Variants in FHIT observed in about 807,000 individuals in gnomAD.
The protein encoded by FHIT is fragile histidine triad diadenosine triphosphatase, also known as bis(5'-adenosyl)-triphosphatase.
In FHIT, 19 loss-of-function variants were observed where a neutral mutation model predicts 17.9. The observed-to-expected ratio is 1.06, with a 90% CI of 0.74 to 1.56. The LOEUF (loss-of-function observed/expected upper bound fraction) is 1.56. Ranked by LOEUF, FHIT falls within the 40% of genes most tolerant of loss-of-function variation. The pLI is 0.00. For missense variants in FHIT, 248 were observed against 189.2 expected (o/e 1.31, Z -1.82); for synonymous variants, 81 against 69.7 (o/e 1.16, Z -0.81).
chr3:60,114,210 T>C (rs535921053), intron 5 of FHIT, among the ~76,000 whole-genome samples: 1 of 150,566 alleles, frequency 6.6e-6, no homozygotes, highest in East Asian at 2.0e-4. Context: ...AATATTCCTA[T>C]TTTAAAAATT....
At chr3:60,348,957 C>A (rs1710936961) in intron 5 of FHIT, among the ~76,000 whole-genome samples, 1 of 152,166 alleles carries the variant, frequency 6.6e-6, no homozygotes, top group East Asian at 1.9e-4. Context: ...TTGAACTTAG[C>A]CAACCTCAGC....
chr3:60,823,305 C>A lies in FHIT; in HGVS notation c.-110-1294G>T, dbSNP rs565118581. On this transcript the variant is annotated intron_variant, in intron 3 of 9. Transcript: ENST00000492590. ...ATGGGTTGAATTCTGTTCCCCCAAC[C>A]CCTCCCCATCAGGAAAAAAGATATG... Among the ~76,000 whole-genome samples the A allele has an allele frequency of 3.3e-5, 5 of 152,230 alleles. No individual in the cohort carries two copies. The South Asian group carries it at 1.0e-3, about 32-fold the overall frequency.
chr3:59,881,692 A>C (rs551436786), intron 8 of FHIT, among the ~76,000 whole-genome samples: 1 of 152,330 alleles, frequency 6.6e-6, no homozygotes, highest in Admixed American at 6.5e-5. Flanking sequence ...TCTTCAGACA[A>C]ATAAAAAATA....
chr3:59,786,776 C>T (rs986306977), intron 8 of FHIT, among the ~76,000 whole-genome samples: 1 of 152,250 alleles, frequency 6.6e-6, no homozygotes, highest in Non-Finnish European at 1.5e-5. Context: ...TTTACTAATA[C>T]AGTCTCCCCA....
intron 4 of FHIT, among the ~76,000 whole-genome samples, chr3:60,626,811 G>GTTTTTT (rs2039302491): frequency 1.2e-5 from 1 of 83,242 alleles, no homozygotes; most frequent in African/African-American, 4.5e-5. Context: ...TTTACGTTAA[G>GTTTTTT]TATGATATGA....
At chr3:60,083,972 C>G (rs1443528118) in intron 5 of FHIT, among the ~76,000 whole-genome samples, 1 of 152,190 alleles carries the variant, frequency 6.6e-6, no homozygotes, top group African/African-American at 2.4e-5. Context: ...TTGGTATTCT[C>G]TTCTGTGATA....
At chr3:60,591,133 A>G (rs2038071072) in intron 4 of FHIT, among the ~76,000 whole-genome samples, 1 of 152,102 alleles carries the variant, frequency 6.6e-6, no homozygotes, top group Admixed American at 6.6e-5. Context: ...AAGCCCACTG[A>G]TAAGAATAAA....
At chr3:60,085,964 T>G (rs773432953) in intron 5 of FHIT, among the ~76,000 whole-genome samples, 1 of 152,168 alleles carries the variant, frequency 6.6e-6, no homozygotes, top group Non-Finnish European at 1.5e-5. Flanking sequence ...AAGAAATACC[T>G]GAGGTGGTAT....
At chr3:60,481,046 C>CCG (rs535480946) in intron 5 of FHIT, among the ~76,000 whole-genome samples, 77 of 152,300 alleles carry the variant, frequency 5.1e-4, no homozygotes, top group African/African-American at 1.8e-3. Flanking sequence ...CAGTAGAATT[C>CCG]CGCCTGGACA....
chr3:60,414,163 A>G (rs1576618200), intron 5 of FHIT, among the ~76,000 whole-genome samples: 1 of 152,300 alleles, frequency 6.6e-6, no homozygotes, highest in Non-Finnish European at 1.5e-5. Flanking sequence ...TCTAACTTAA[A>G]CATATATTGG....
At chr3:61,016,288 G>A (rs1053375435) in intron 3 of FHIT, among the ~76,000 whole-genome samples, 3 of 152,124 alleles carry the variant, frequency 2.0e-5, no homozygotes, top group Admixed American at 2.0e-4. Context: ...CGTGATTAAT[G>A]GAACATAGAT....
At chr3:60,836,654 T>C (rs1559759852) in intron 3 of FHIT, among the ~76,000 whole-genome samples, 1 of 152,110 alleles carries the variant, frequency 6.6e-6, no homozygotes, top group Non-Finnish European at 1.5e-5. Context: ...CAAATGCAGG[T>C]CCAGATGCCC....
chr3:60,992,948 AT>A (rs777921736), intron 3 of FHIT, among the ~76,000 whole-genome samples: 3 of 152,164 alleles, frequency 2.0e-5, no homozygotes, highest in Non-Finnish European at 2.9e-5. Flanking sequence ...GAATGGATTC[AT>A]TTTCCTGATA....
At chr3:60,040,535 A>C (rs1437519009) in intron 5 of FHIT, among the ~76,000 whole-genome samples, 1 of 151,856 alleles carries the variant, frequency 6.6e-6, no homozygotes, top group African/African-American at 2.4e-5. Flanking sequence ...TCATTTGTGA[A>C]TCTCCCCTGT....
intron 8 of FHIT, among the ~76,000 whole-genome samples, chr3:59,758,278 C>T (rs1232242613): frequency 1.3e-5 from 2 of 152,204 alleles, no homozygotes; most frequent in Admixed American, 1.3e-4. Flanking sequence ...TACCCATGGT[C>T]AGCTTCACCA....
chr3:60,825,287 C>G (rs1702074345), intron 3 of FHIT, among the ~76,000 whole-genome samples: 2 of 151,836 alleles, frequency 1.3e-5, no homozygotes, highest in Non-Finnish European at 2.9e-5. Context: ...TAAAAGTCAC[C>G]CTTAAAGGCA....
intron 5 of FHIT, among the ~76,000 whole-genome samples, chr3:60,099,599 C>A (rs966075347): frequency 6.6e-6 from 1 of 152,132 alleles, no homozygotes; most frequent in Admixed American, 6.5e-5. Flanking sequence ...TTCTGAATGC[C>A]CCCAATGAGG....
intron 3 of FHIT, among the ~76,000 whole-genome samples, chr3:60,846,420 T>C (rs1702927803): frequency 6.6e-6 from 1 of 152,170 alleles, no homozygotes; most frequent in African/African-American, 2.4e-5. Flanking sequence ...TATAGCAAAG[T>C]CATATCCTAA....
chr3:60,817,064 A>G (rs1701765824), intron 4 of FHIT, among the ~76,000 whole-genome samples: 1 of 151,866 alleles, frequency 6.6e-6, no homozygotes, highest in Admixed American at 6.6e-5. Context: ...TAAAACATAT[A>G]TTCTTGATCT....
Sources: allele counts gnomAD v4.1 joint callset (sites outside exome capture counted in the v4.1 genomes callset), GRCh38; gene constraint gnomAD v4.1.1; transcripts MANE v1.5; gene names NCBI Gene and HGNC (gene_info 2026-07-23, HGNC 2026-07-21).